NUP98: variants seen among roughly 807,000 people sequenced by gnomAD.
NUP98 encodes nuclear pore complex protein Nup98-Nup96.
In NUP98, 26 loss-of-function variants were observed where a neutral mutation model predicts 191.9. The ratio of observed to expected loss-of-function variants is 0.14; its 90% confidence interval spans 0.10 to 0.19. The LOEUF (loss-of-function observed/expected upper bound fraction) is 0.19. Ranked by LOEUF, NUP98 falls within the 10% of genes least tolerant of loss-of-function variation. NUP98 has a pLI of 1.00. For missense variants in NUP98, 1,941 were observed against 2,178.8 expected (o/e 0.89, Z 2.17); for synonymous variants, 808 against 778.4 (o/e 1.04, Z -0.63).
chr11:3,690,090 T>C (rs2078262769), intron 28 of NUP98, among the ~76,000 whole-genome samples: 1 of 151,526 alleles, frequency 6.6e-6, no homozygotes, highest in Admixed American at 6.6e-5. Flanking sequence ...TAACTGAGAT[T>C]ACAGGTGCCT....
At chr11:3,679,378 T>TTTCGATA in intron 31 of NUP98, 176 bp downstream of exon 31, 1 of 780,346 alleles carries the variant, frequency 1.3e-6, no homozygotes. Flanking sequence ...CATTTTTAAG[T>TTTCGATA]TTCGATATAG....
intron 10 of NUP98, among the ~76,000 whole-genome samples, chr11:3,755,005 C>T (rs1589886780): frequency 6.6e-6 from 1 of 150,534 alleles, no homozygotes; most frequent in South Asian, 2.1e-4. Flanking sequence ...GTACTGCTGC[C>T]ATTACTTTTC....
intron 24 of NUP98, 26 bp from the exon 25 acceptor site, chr11:3,699,374 T>C: frequency 3.7e-6 from 6 of 1,609,272 alleles, no homozygotes; most frequent in Non-Finnish European, 2.6e-6. Flanking sequence ...AAAAACAATG[T>C]TACGAGACAA....
At chr11:3,753,966 T>A (rs1449105025) in intron 10 of NUP98, among the ~76,000 whole-genome samples, 3 of 150,610 alleles carry the variant, frequency 2.0e-5, no homozygotes, top group South Asian at 2.1e-4. Flanking sequence ...AATAAATAAA[T>A]AAAATAAAAT....
At chr11:3,699,878 T>G (rs1055586382) in intron 24 of NUP98, among the ~76,000 whole-genome samples, 2 of 152,224 alleles carry the variant, frequency 1.3e-5, no homozygotes, top group Non-Finnish European at 1.5e-5. Flanking sequence ...CAAAATGATT[T>G]TTCTACTGTT....
At chr11:3,745,635 AAG>A (rs146065247) in intron 11 of NUP98, among the ~76,000 whole-genome samples, 1 of 152,062 alleles carries the variant, frequency 6.6e-6, no homozygotes, top group Non-Finnish European at 1.5e-5. Context: ...CCATTAAAAA[AAG>A]AGAGAGAGAG....
At chr11:3,742,734 T>C (rs1360422098) in intron 12 of NUP98, among the ~76,000 whole-genome samples, 2 of 126,490 alleles carry the variant, frequency 1.6e-5, no homozygotes, top group African/African-American at 6.0e-5. Flanking sequence ...AGAAAAGAAA[T>C]AAGGGTAATA....
In NUP98 at chr11:3,729,715, C is replaced by CAAAAAAAAAAAAAAAAAAAAAAAAAAA. The variant is rs755816362; in HGVS notation, c.1730+1675_1730+1676insTTTTTTTTTTTTTTTTTTTTTTTTTTT. Among the ~76,000 whole-genome samples, 27 of 37,408 alleles carry CAAAAAAAAAAAAAAAAAAAAAAAAAAA rather than the reference C, an allele frequency of 7.2e-4. 1 individual carries two copies. The highest frequency in any genetic ancestry group is 0.016 in the Middle Eastern group (1 of 62). The allele number at this position is 37,408 out of a possible 152,430, so 24.5% of individuals were successfully genotyped here. A position where few individuals can be genotyped will look rare whatever the true frequency, so the allele number is the denominator to read the frequency against. ...GGGCAATGGCATAAGACTCTTGCCT[C>CAAAAAAAAAAAAAAAAAAAAAAAAAAA]AAAAAAAAAAAAAAAAAAAAAAAAA... On this transcript the variant is annotated intron_variant, in intron 14 of 32. Transcript: ENST00000324932.
intron 25 of NUP98, among the ~76,000 whole-genome samples, chr11:3,698,617 C>T (rs912251715): frequency 2.0e-5 from 3 of 147,758 alleles, no homozygotes; most frequent in Non-Finnish European, 4.4e-5. Flanking sequence ...ATCTCAGCTA[C>T]TTGGGAGGCT....
At chr11:3,716,263 C>T (rs2079176748) in intron 18 of NUP98, among the ~76,000 whole-genome samples, 1 of 151,866 alleles carries the variant, frequency 6.6e-6, no homozygotes, top group South Asian at 2.1e-4. Flanking sequence ...TATGGCATAA[C>T]TTCACTCTTT....
chr11:3,739,500 G>C (rs2080199018), intron 12 of NUP98, among the ~76,000 whole-genome samples: 1 of 152,110 alleles, frequency 6.6e-6, no homozygotes, highest in Non-Finnish European at 1.5e-5. Context: ...ACCCGCCTCG[G>C]CCTCCCAAAG....
intron 29 of NUP98, among the ~76,000 whole-genome samples, chr11:3,684,807 C>T (rs4309184): frequency 0.83 from 117,686 of 141,356 alleles, 48,812 homozygotes; most frequent in Middle Eastern, 0.94. Flanking sequence ...AAGGCTTAGG[C>T]TTAGAGAGTT....
intron 26 of NUP98, among the ~76,000 whole-genome samples, chr11:3,693,983 C>G (rs1397812839): frequency 6.6e-6 from 1 of 151,906 alleles, no homozygotes; most frequent in African/African-American, 2.4e-5. Flanking sequence ...GTAATCCCAG[C>G]ACTTTGGGAG....
intron 10 of NUP98, chr11:3,760,126 AAAAC>A: frequency 5.7e-6 from 1 of 176,940 alleles, no homozygotes; most frequent in Non-Finnish European, 1.2e-5. Context: ...AAAAAAAAAA[AAAAC>A]AAAAACAAAA....
rs772255775 is a variant in NUP98, at chr11:3,676,577, A to T, written c.5117T>A (p.Val1706Glu). ...GNDLEQLHIK[V>E]TSLCSRIEQI... ...CTCTATCCGACTGCACAGTGAAGTC[A>T]CTTTGATGTGTAACTGCTCCAGGTC... The change falls in exon 32 of 33, where the codon GTG (valine) becomes GAG (glutamate). Residue 1706 changes from valine (V) to glutamate (E), a missense_variant. By Grantham distance (121) the Val-to-Glu change is moderately radical. Coordinates refer to ENST00000324932, the MANE Select transcript of NUP98 (RefSeq NM_016320.5). 2 of 1,614,234 alleles carry T rather than the reference A, an allele frequency of 1.2e-6. No homozygotes were observed. Among genetic ancestry groups the T allele is most frequent in the South Asian group, 2.2e-5 (2 of 91,090 alleles).
At position 3,778,958 on chromosome 11, in the gene NUP98, G is replaced by A. The variant is rs148608250; in HGVS notation, c.270C>T (p.Thr90=). The change falls in exon 4 of 33, where the codon ACC becomes ACT. Residue 90 remains threonine, a synonymous_variant. Coordinates refer to ENST00000324932, the MANE Select transcript of NUP98 (RefSeq NM_016320.5). The stretch of plus-strand genomic sequence containing the variant: ...TCCCTGTGCTTGCAGTTCCAAACAA[G>A]GTATTTGCTGTTCCTGTTGACGTAC... ...GFGTSTGTAN[T]LFGTASTGTS... 3.2e-4 allele frequency: 514 copies of A among 1,614,200 alleles called. 1 individual carries two copies. In the African/African-American group the frequency reaches 5.7e-3, roughly 18 times the overall value.
chr11:3,685,046 G>A (rs4261313), intron 29 of NUP98, among the ~76,000 whole-genome samples: 81,395 of 151,860 alleles, frequency 0.54, 22,544 homozygotes, highest in Admixed American at 0.71. Context: ...TTACTGACCT[G>A]TAAAACAGAG....
At chr11:3,713,361 C>T (rs1372381190) in intron 19 of NUP98, among the ~76,000 whole-genome samples, 1 of 152,184 alleles carries the variant, frequency 6.6e-6, no homozygotes, top group African/African-American at 2.4e-5. Flanking sequence ...TGAATTTTAA[C>T]TAGGTTTGTA....
chr11:3,709,993 G>GA (rs2078985872), intron 20 of NUP98, among the ~76,000 whole-genome samples: 1 of 93,202 alleles, frequency 1.1e-5, no homozygotes, highest in Non-Finnish European at 2.4e-5. Flanking sequence ...AAAAAAAAAA[G>GA]TTTACAAAAA....
Sources: gnomAD v4.1 joint callset for allele counts (sites outside exome capture counted in the v4.1 genomes callset) on GRCh38, gnomAD v4.1.1 for gene constraint, MANE v1.5 for transcripts, NCBI Gene and HGNC (gene_info 2026-07-23, HGNC 2026-07-21) for gene names.